The following WWOX variants were observed in gnomAD, a reference collection of about 807,000 sequenced individuals.
The protein encoded by WWOX is WW domain-containing oxidoreductase.
In WWOX, 69 loss-of-function variants were observed where a neutral mutation model predicts 46.2. That is an observed-to-expected ratio of 1.49 (90% CI 1.23 to 1.82). The LOEUF (loss-of-function observed/expected upper bound fraction) is 1.82, where lower values mean the gene tolerates loss of function less well. Ranked by LOEUF, WWOX falls within the 40% of genes most tolerant of loss-of-function variation. The pLI is 0.00. For missense variants in WWOX, 919 were observed against 542.6 expected, an observed-to-expected ratio of 1.69 and a Z score of -6.89; for synonymous variants, 359 against 202.6, an observed-to-expected ratio of 1.77 and a Z score of -6.56.
chr16:79,113,820 CA>C (rs1389608430), intron 8 of WWOX, among the ~76,000 whole-genome samples: 2 of 152,214 alleles, frequency 1.3e-5, no homozygotes, highest in Non-Finnish European at 2.9e-5. Flanking sequence ...CATTAAACAC[CA>C]GATGCGAAGA....
chr16:78,373,291 G>A (rs1038714734), intron 5 of WWOX, among the ~76,000 whole-genome samples: 5 of 152,160 alleles, frequency 3.3e-5, no homozygotes, highest in African/African-American at 1.2e-4. Flanking sequence ...GGGTGTCTCT[G>A]ATTGACAGTT....
At chr16:78,736,818 T>C (rs1228259651) in intron 8 of WWOX, among the ~76,000 whole-genome samples, 2 of 152,128 alleles carry the variant, frequency 1.3e-5, no homozygotes, top group Non-Finnish European at 2.9e-5. Context: ...CGTCTTGCCC[T>C]GGCTGGTCTC....
At chr16:78,196,010 C>T (rs1014045319) in intron 5 of WWOX, among the ~76,000 whole-genome samples, 9 of 152,206 alleles carry the variant, frequency 5.9e-5, no homozygotes, top group African/African-American at 2.2e-4. Context: ...ATTCTGGCTT[C>T]CTTCTATTAG....
intron 8 of WWOX, among the ~76,000 whole-genome samples, chr16:79,076,683 C>T (rs532651435): frequency 6.6e-6 from 1 of 152,330 alleles, no homozygotes; most frequent in African/African-American, 2.4e-5. Flanking sequence ...TCAGACGGAT[C>T]GAACTTCGTC....
chr16:78,310,826 T>C (rs537312073), intron 5 of WWOX, among the ~76,000 whole-genome samples: 1 of 152,336 alleles, frequency 6.6e-6, no homozygotes, highest in African/African-American at 2.4e-5. Flanking sequence ...GAGAACCCAG[T>C]TCAATTCCCA....
intron 8 of WWOX, among the ~76,000 whole-genome samples, chr16:78,778,257 T>C (rs2050240856): frequency 6.6e-6 from 1 of 152,090 alleles, no homozygotes; most frequent in Non-Finnish European, 1.5e-5. Context: ...GTGTCTCCTT[T>C]GTGGAGCTCT....
At chr16:78,391,241 A>C (rs1156552839) in intron 6 of WWOX, among the ~76,000 whole-genome samples, 1 of 152,178 alleles carries the variant, frequency 6.6e-6, no homozygotes, top group Non-Finnish European at 1.5e-5. Flanking sequence ...CCTAACCATG[A>C]TTATGTAAAC....
intron 1 of WWOX, among the ~76,000 whole-genome samples, chr16:78,106,374 C>T (rs1006646212): frequency 2.8e-5 from 4 of 143,868 alleles, no homozygotes; most frequent in African/African-American, 5.0e-5. Flanking sequence ...CAGCAGAGAG[C>T]GGGTTATCCT....
At chr16:79,138,908 C>A (rs775033725) in intron 8 of WWOX, among the ~76,000 whole-genome samples, 6 of 152,226 alleles carry the variant, frequency 3.9e-5, no homozygotes, top group East Asian at 1.9e-4. Context: ...AGGCTGGATG[C>A]CAAGGAGAAT....
At chr16:79,172,486 G>A (rs1597444225) in intron 8 of WWOX, among the ~76,000 whole-genome samples, 3 of 152,100 alleles carry the variant, frequency 2.0e-5, no homozygotes, top group African/African-American at 7.2e-5. Flanking sequence ...CCCTGTGTCT[G>A]GCTCAGAGTA....
chr16:78,933,682 G>T (rs2045672227), intron 8 of WWOX, among the ~76,000 whole-genome samples: 1 of 152,184 alleles, frequency 6.6e-6, no homozygotes, highest in Non-Finnish European at 1.5e-5. Flanking sequence ...TACGGGGGCA[G>T]ACAAGAGAGG....
At chr16:78,578,934 T>G in intron 8 of WWOX, among the ~76,000 whole-genome samples, 1 of 152,202 alleles carries the variant, frequency 6.6e-6, no homozygotes, top group East Asian at 1.9e-4. Context: ...TGTTGATTGT[T>G]GATATTACTT....
At chr16:78,627,050 C>G (rs1034963672) in intron 8 of WWOX, among the ~76,000 whole-genome samples, 2 of 152,128 alleles carry the variant, frequency 1.3e-5, no homozygotes, top group Admixed American at 6.5e-5. Context: ...CCCCCCACCT[C>G]ATACATACAC....
chr16:78,613,325 T>C (rs1029234591), intron 8 of WWOX, among the ~76,000 whole-genome samples: 1 of 152,100 alleles, frequency 6.6e-6, no homozygotes, highest in Non-Finnish European at 1.5e-5. Context: ...TTCCTTGAAG[T>C]CCCGATGCGT....
intron 8 of WWOX, among the ~76,000 whole-genome samples, chr16:78,734,064 A>G (rs777514692): frequency 6.6e-6 from 1 of 152,042 alleles, no homozygotes; most frequent in Non-Finnish European, 1.5e-5. Context: ...TGTCTGGAAA[A>G]AAAAAAACAC....
intron 4 of WWOX, chr16:78,123,700 C>T (rs184960953): frequency 6.6e-6 from 1 of 151,820 alleles, no homozygotes; most frequent in African/African-American, 2.4e-5. Flanking sequence ...TCATGATCCA[C>T]CCGTTTCGGC....
In WWOX at chr16:78,333,043, C is replaced by CTTTTTTTTTTTTTTTTTTT. The variant is rs11289222; in HGVS notation, c.517-53811_517-53793dup. 2.7e-3 allele frequency among the ~76,000 whole-genome samples: 153 copies of CTTTTTTTTTTTTTTTTTTT among 57,112 alleles called. 34 individuals are homozygous for CTTTTTTTTTTTTTTTTTTT. Among genetic ancestry groups the CTTTTTTTTTTTTTTTTTTT allele is most frequent in the Non-Finnish European group, 4.1e-3 (107 of 26,260 alleles). The allele number at this position is 57,112 out of a possible 152,430, so 37.5% of individuals were successfully genotyped here. A position where few individuals can be genotyped will look rare whatever the true frequency, so the allele number is the denominator to read the frequency against. On this transcript the variant is annotated intron_variant, in intron 5 of 8. Coordinates refer to ENST00000566780, the MANE Select transcript of WWOX (RefSeq NM_016373.4). Reference sequence around the variant, plus strand: ...CTGAGTAGCATGGAAGAGCATTATACTTTTTTTTTTTTTTTTTTTTTTTTG... The same window carrying CTTTTTTTTTTTTTTTTTTT: ...CTGAGTAGCATGGAAGAGCATTATACTTTTTTTTTTTTTTTTTTTTTTTTTTTTTTTTTTTTTTTTTTTG...
rs369466119 is a variant in WWOX, at chr16:78,318,401, T to C, written c.517-68459T>C. ...TTGCTGTGAGCCGAGATTGCGTCACTGCACTTCAGCCTGGGCGACAAGAGC... is the reference window on the plus strand; with the variant it reads ...TTGCTGTGAGCCGAGATTGCGTCACCGCACTTCAGCCTGGGCGACAAGAGC... On this transcript the variant is annotated intron_variant, in intron 5 of 8. Transcript: ENST00000566780. Among the ~76,000 whole-genome samples, 181 of 151,978 alleles carry C rather than the reference T, an allele frequency of 1.2e-3. 1 individual carries two copies. The highest frequency in any genetic ancestry group is 4.0e-3 in the African/African-American group (164 of 41,412).
At chr16:78,617,477 A>G (rs1402701828) in intron 8 of WWOX, among the ~76,000 whole-genome samples, 2 of 151,940 alleles carry the variant, frequency 1.3e-5, no homozygotes, top group Non-Finnish European at 2.9e-5. Flanking sequence ...TTGATCGTTC[A>G]TTCACAATGC....
Sources: gnomAD v4.1 joint callset for allele counts (sites outside exome capture counted in the v4.1 genomes callset) on GRCh38, gnomAD v4.1.1 for gene constraint, MANE v1.5 for transcripts, NCBI Gene and HGNC (gene_info 2026-07-23, HGNC 2026-07-21) for gene names.